The following TTLL11 variants were observed in gnomAD, a reference collection of about 807,000 sequenced individuals.
TTLL11 encodes the protein tubulin polyglutamylase TTLL11.
Under a neutral mutation model 51.7 loss-of-function variants are expected in TTLL11, and 42 were observed. That is an observed-to-expected ratio of 0.81 (90% CI 0.64 to 1.05). The LOEUF (loss-of-function observed/expected upper bound fraction) is 1.05, where lower values mean the gene tolerates loss of function less well. Among genes scored for constraint, TTLL11 ranks in the 50% least tolerant of loss-of-function variants. The pLI, the probability that TTLL11 is intolerant of heterozygous loss-of-function variation, is 0.00. For missense variants in TTLL11, 799 were observed against 940.4 expected, an observed-to-expected ratio of 0.85 and a Z score of 1.97; for synonymous variants, 381 against 383.5, an observed-to-expected ratio of 0.99 and a Z score of 0.08.
intron 7 of TTLL11, among the ~76,000 whole-genome samples, chr9:121,863,883 G>C (rs994730764): frequency 2.0e-5 from 3 of 152,214 alleles, no homozygotes; most frequent in Non-Finnish European, 4.4e-5. Flanking sequence ...TTGGAAGATA[G>C]AGTAGTGGGC....
At chr9:122,051,935 A>G (rs1168968453) in intron 1 of TTLL11, among the ~76,000 whole-genome samples, 2 of 152,152 alleles carry the variant, frequency 1.3e-5, no homozygotes, top group African/African-American at 4.8e-5. Context: ...AAAAATCATA[A>G]AAGAAAAAAC....
intron 3 of TTLL11, among the ~76,000 whole-genome samples, chr9:121,994,229 TG>T (rs1843191554): frequency 6.6e-6 from 1 of 151,622 alleles, no homozygotes; most frequent in African/African-American, 2.4e-5. Flanking sequence ...GCTGCTTCGG[TG>T]GGGGGTTATG....
At chr9:121,875,065 T>A (rs1168103657) in intron 6 of TTLL11, among the ~76,000 whole-genome samples, 1 of 152,236 alleles carries the variant, frequency 6.6e-6, no homozygotes, top group Non-Finnish European at 1.5e-5. Context: ...AGTATAATAA[T>A]GAACATAAAG....
Position 121,919,847 on chromosome 9 carries a change from TAAAAAAAA to T in TTLL11, c.1482-49107_1482-49100del, listed in dbSNP as rs59700871. Among the ~76,000 whole-genome samples the T allele has an allele frequency of 1.2e-3, 71 of 60,834 alleles. 1 individual carries two copies. The highest frequency in any genetic ancestry group is 3.8e-3 in the African/African-American group (69 of 18,322). The allele number at this position is 60,834 out of a possible 152,430, so 39.9% of individuals were successfully genotyped here. ...GGCAACATAGTGAGACCCTCATCTCTAAAAAAAAAAAAAAAAAAAAAAAGGAAATATCC... is the reference window on the plus strand; with the variant it reads ...GGCAACATAGTGAGACCCTCATCTCTAAAAAAAAAAAAAAAGGAAATATCC... On this transcript the variant is annotated intron_variant, in intron 6 of 8. Coordinates refer to ENST00000321582, the MANE Select transcript of TTLL11 (RefSeq NM_001139442.2).
At chr9:122,079,236 G>T (rs1051290018) in intron 1 of TTLL11, among the ~76,000 whole-genome samples, 6 of 152,040 alleles carry the variant, frequency 3.9e-5, no homozygotes, top group African/African-American at 1.4e-4. Flanking sequence ...CTGCCAACAT[G>T]TACTATCTGT....
chr9:122,093,055 C>A lies in TTLL11; in HGVS notation c.94G>T (p.Ala32Ser). 2.6e-6 allele frequency: 4 copies of A among 1,516,744 alleles called. No homozygotes were observed. Among genetic ancestry groups the A allele is most frequent in the African/African-American group, 2.9e-5 (2 of 69,936 alleles). 94.0% of individuals were successfully genotyped at this position (1,516,744 alleles called of 1,614,324 possible). ...TGTTCCGCCACCGTCTCCGCTGTGGCCTCGGCCTCAGCTTTGGCCGCCGCT... is the reference window on the plus strand; with the variant it reads ...TGTTCCGCCACCGTCTCCGCTGTGGACTCGGCCTCAGCTTTGGCCGCCGCT... ...AKAAAKAEAEATAETVAEQVR... is the reference protein window; with the variant it reads ...AKAAAKAEAESTAETVAEQVR... Residue 32 changes from alanine (A) to serine (S), a missense_variant, in exon 1 of 9, where the codon GCC (alanine) becomes TCC (serine). Around this residue, in one of 3 missense-constraint regions of TTLL11, gnomAD observed 166 missense variants for 161.6 expected, o/e 1.03. Coordinates refer to ENST00000321582, the MANE Select transcript of TTLL11 (RefSeq NM_001139442.2).
chr9:121,945,017 T>C (rs1234245893), intron 6 of TTLL11, among the ~76,000 whole-genome samples: 1 of 152,234 alleles, frequency 6.6e-6, no homozygotes, highest in Non-Finnish European at 1.5e-5. Flanking sequence ...TTAGTGTTTC[T>C]TCACTAAATA....
intron 6 of TTLL11, among the ~76,000 whole-genome samples, chr9:121,936,655 G>A (rs1173550622): frequency 6.6e-6 from 1 of 152,170 alleles, no homozygotes; most frequent in Non-Finnish European, 1.5e-5. Flanking sequence ...GAGCAGGCTC[G>A]TGCTAGAAAC....
intron 1 of TTLL11, among the ~76,000 whole-genome samples, chr9:122,052,499 C>G (rs1045259203): frequency 6.6e-6 from 1 of 152,190 alleles, no homozygotes; most frequent in African/African-American, 2.4e-5. Context: ...TTTGGACCAC[C>G]TAGCACGGGG....
At chr9:121,983,858 T>G (rs1278615949) in intron 4 of TTLL11, among the ~76,000 whole-genome samples, 1 of 152,128 alleles carries the variant, frequency 6.6e-6, no homozygotes, top group Non-Finnish European at 1.5e-5. Context: ...CACATGCCCA[T>G]ACTAGCTCAG....
rs1377871843 is a variant in TTLL11 at position 121,899,376 on chromosome 9, T to C, written c.1482-28628A>G. On this transcript the variant is annotated intron_variant, in intron 6 of 8. Transcript: ENST00000321582. ...GTGTATGTGTGTGTGTATATATATA[T>C]ACATATATATATATATATATATATA... Among the ~76,000 whole-genome samples the C allele has an allele frequency of 4.4e-3, 419 of 95,568 alleles. 4 individuals are homozygous for C. Among genetic ancestry groups the C allele is most frequent in the African/African-American group, 0.015 (402 of 26,996 alleles). 62.7% of individuals were successfully genotyped at this position (95,568 alleles called of 152,430 possible).
In TTLL11 at chr9:121,989,133, C is replaced by A; in HGVS notation, c.1269+62G>T. The A allele has an allele frequency of 6.3e-7, 1 of 1,586,196 alleles. No homozygotes were observed. ...CCCGATCACTCATCCTACACGAAGC[C>A]AGAGAGCCCTCTTGAGGCCGGTCAA... On this transcript the variant is annotated intron_variant, in intron 4 of 8. Coordinates refer to ENST00000321582, the MANE Select transcript of TTLL11 (RefSeq NM_001139442.2). The surrounding 1 kb of genome is among the most constrained non-coding windows in gnomAD (Gnocchi z 4.2).
At chr9:121,981,368 A>G (rs1326318641) in intron 4 of TTLL11, among the ~76,000 whole-genome samples, 8 of 152,048 alleles carry the variant, frequency 5.3e-5, no homozygotes, top group Non-Finnish European at 1.2e-4. Context: ...TTTTCATCTC[A>G]GAGATTATAT....
At chr9:122,039,895 C>CACACACACAT (rs976399258) in intron 1 of TTLL11, among the ~76,000 whole-genome samples, 2 of 152,172 alleles carry the variant, frequency 1.3e-5, no homozygotes. Flanking sequence ...CTCACACACA[C>CACACACACAT]ACACACACAT....
intron 3 of TTLL11, among the ~76,000 whole-genome samples, chr9:122,017,630 T>A (rs1475703714): frequency 6.6e-6 from 1 of 151,912 alleles, no homozygotes; most frequent in East Asian, 1.9e-4. Context: ...GCCCAGCTAA[T>A]TTTTGTATTT....
intron 6 of TTLL11, among the ~76,000 whole-genome samples, chr9:121,963,419 A>G (rs534791909): frequency 3.2e-4 from 48 of 152,308 alleles, no homozygotes; most frequent in African/African-American, 1.1e-3. Flanking sequence ...ACGAACATTT[A>G]AGGTTCACTG....
chr9:121,895,914 A>G (rs796144288), intron 6 of TTLL11, among the ~76,000 whole-genome samples: 16 of 4,608 alleles, frequency 3.5e-3, no homozygotes, highest in Admixed American at 0.01. Flanking sequence ...CTTTGTGTGG[A>G]TGTGTGGGTG....
intron 6 of TTLL11, among the ~76,000 whole-genome samples, chr9:121,897,708 C>T (rs912880293): frequency 4.6e-5 from 7 of 151,374 alleles, no homozygotes; most frequent in African/African-American, 7.3e-5. Context: ...TTAAAGGCCA[C>T]CTCCTCAGGG....
At chr9:122,084,986 G>A (rs1212505833) in intron 1 of TTLL11, among the ~76,000 whole-genome samples, 29 of 152,274 alleles carry the variant, frequency 1.9e-4, no homozygotes, top group Admixed American at 2.0e-4. Flanking sequence ...CAGGCCAGGC[G>A]CGGTGGCTCA....
Sources: gnomAD v4.1 joint callset for allele counts (sites outside exome capture counted in the v4.1 genomes callset) on GRCh38, gnomAD v4.1.1 for gene constraint, gnomAD v4.1.1 regional missense constraint, Gnocchi (gnomAD v3.1) non-coding constraint, MANE v1.5 for transcripts, NCBI Gene and HGNC (gene_info 2026-07-23, HGNC 2026-07-21) for gene names.